ATN1: variants seen among roughly 807,000 people sequenced by gnomAD.
ATN1 encodes the protein atrophin-1.
In ATN1, 19 loss-of-function variants were observed where a neutral mutation model predicts 85.8. That is an observed-to-expected ratio of 0.22 (90% CI 0.15 to 0.32). The LOEUF (loss-of-function observed/expected upper bound fraction) is 0.32. Ranked by LOEUF, ATN1 falls within the 10% of genes least tolerant of loss-of-function variation. The pLI, the probability that ATN1 is intolerant of heterozygous loss-of-function variation, is 1.00. For synonymous variants in ATN1, 674 were observed against 657.0 expected, an observed-to-expected ratio of 1.03 and a Z score of -0.39; for missense variants, 1,453 against 1,564.5, an observed-to-expected ratio of 0.93 and a Z score of 1.20.
At chr12:6,930,827 TA>T (rs1945452956) in intron 1 of ATN1, among the ~76,000 whole-genome samples, 1 of 143,684 alleles carries the variant, frequency 7.0e-6, no homozygotes, top group African/African-American at 2.7e-5. Flanking sequence ...AATAAATAAA[TA>T]AAATAAAGCA....
At chr12:6,938,338 G>T in intron 6 of ATN1, 143 bp from the exon 7 acceptor site, 1 of 1,321,936 alleles carries the variant, frequency 7.6e-7, no homozygotes, top group Non-Finnish European at 1.0e-6. Flanking sequence ...GGGAGCGGGG[G>T]CCGCAGTTAA....
Position 6,936,728 on chromosome 12 carries a change from A to AGCAGCAGCAGCAGCAGCAGCAGCAGCAG in ATN1, c.1461_1462insGCAGCAGCAGCAGCAGCAGCAGCAGCAG (p.Gln488AlafsTer45). ...ATCACCATCACCACCAGCAACAGCA[A>AGCAGCAGCAGCAGCAGCAGCAGCAGCAG]CAGCAGCAGCAGCAGCAGCAGCAGC... On this transcript the variant is annotated frameshift_variant, in exon 5 of 10. Transcript: ENST00000396684. LOFTEE classifies it high-confidence loss of function. 6.3e-7 allele frequency: 1 copy of AGCAGCAGCAGCAGCAGCAGCAGCAGCAG among 1,583,082 alleles called. No individual in the cohort carries two copies. Among genetic ancestry groups the AGCAGCAGCAGCAGCAGCAGCAGCAGCAG allele is most frequent in the Non-Finnish European group, 8.6e-7 (1 of 1,165,230 alleles).
rs1211193340 is a variant in ATN1 at position 6,941,532 on chromosome 12, C to T, written c.3517C>T (p.Pro1173Ser). ...AHHPLHSVPLPAQEDYYSHLK... is the reference protein window; with the variant it reads ...AHHPLHSVPLSAQEDYYSHLK... ...TCACCCGCTGCACAGTGTGCCGCTGCCTGCCCAGGAGGACTACTACAGGTA... is the reference window on the plus strand; with the variant it reads ...TCACCCGCTGCACAGTGTGCCGCTGTCTGCCCAGGAGGACTACTACAGGTA... The change falls in exon 9 of 10, where the codon CCT (proline) becomes TCT (serine). Residue 1173 changes from proline to serine, a missense_variant. By Grantham distance (74) the Pro-to-Ser change is moderately conservative. Coordinates refer to ENST00000396684, the MANE Select transcript of ATN1 (RefSeq NM_001940.4). This position sits in a 1 kb window ranked among gnomAD's most constrained non-coding sequence, Gnocchi z 5.9. 6.2e-7 allele frequency: 1 copy of T among 1,612,766 alleles called. No individual in the cohort carries two copies. Among genetic ancestry groups the T allele is most frequent in the African/African-American group, 1.3e-5 (1 of 75,048 alleles).
chr12:6,929,856 G>A (rs782735479), intron 1 of ATN1, among the ~76,000 whole-genome samples: 1 of 152,104 alleles, frequency 6.6e-6, no homozygotes. Context: ...TTGTCTTTTT[G>A]CTTCTTTGCA....
At position 6,941,410 on chromosome 12, in the gene ATN1, C is replaced by T; in HGVS notation, c.3395C>T (p.Ala1132Val). ...PYRDLPASLSAPMSAAHQLQA... is the reference protein window; with the variant it reads ...PYRDLPASLSVPMSAAHQLQA... ...CGGGACCTGCCGGCCTCCCTTTCTG[C>T]CCCGATGTCAGCAGCTCATCAGCTG... The change falls in exon 9 of 10, where the codon GCC becomes GTC. Residue 1132 changes from alanine (A) to valine (V), a missense_variant. Transcript: ENST00000396684. This position sits in a 1 kb window ranked among gnomAD's most constrained non-coding sequence, Gnocchi z 5.9. 1 of 1,607,402 alleles carries T rather than the reference C, an allele frequency of 6.2e-7. No homozygotes were observed. The highest frequency in any genetic ancestry group is 8.5e-7 in the Non-Finnish European group (1 of 1,176,314).
At position 6,934,214 on chromosome 12, in the gene ATN1, G is replaced by A; in HGVS notation, c.66G>A (p.Gly22=). The change falls in exon 3 of 10, where the codon GGG becomes GGA. Residue 22 remains glycine, a synonymous_variant. Transcript: ENST00000396684. This position sits in a 1 kb window ranked among gnomAD's most constrained non-coding sequence, Gnocchi z 4.5. ...MRSGRKKEAP[G]PREELRSRGR... ...GTGGACGGAAGAAAGAGGCCCCTGG[G>A]CCCCGGGAAGAACTGAGATCGAGGG... The A allele has an allele frequency of 4.4e-6, 7 of 1,596,234 alleles. No individual in the cohort carries two copies. The highest frequency in any genetic ancestry group is 5.1e-6 in the Non-Finnish European group (6 of 1,175,758).
chr12:6,936,554 G>C lies in ATN1; in HGVS notation c.1287G>C (p.Gln429His). ...SVSNQPPKYTQPSLPSQAVWS... is the reference protein window; with the variant it reads ...SVSNQPPKYTHPSLPSQAVWS... ...CCAATCAGCCCCCCAAGTATACTCA[G>C]CCTTCTCTCCCATCCCAGGCTGTGT... The change falls in exon 5 of 10, where the codon CAG becomes CAC. Residue 429 changes from glutamine (Q) to histidine (H), a missense_variant. Coordinates refer to ENST00000396684, the MANE Select transcript of ATN1 (RefSeq NM_001940.4). 1.2e-6 allele frequency: 2 copies of C among 1,600,960 alleles called. No individual in the cohort carries two copies. The highest frequency in any genetic ancestry group is 1.7e-6 in the Non-Finnish European group (2 of 1,177,932).
chr12:6,930,779 T>C (rs1296170702), intron 1 of ATN1, among the ~76,000 whole-genome samples: 3 of 151,256 alleles, frequency 2.0e-5, no homozygotes, highest in Non-Finnish European at 4.4e-5. Flanking sequence ...CCAGCCTGGG[T>C]GACAGAGTGA....
At position 6,936,416 on chromosome 12, in the gene ATN1, A is replaced by T. The variant is rs1555143659; in HGVS notation, c.1149A>T (p.Ala383=). The change falls in exon 5 of 10, where the codon GCA becomes GCT. Residue 383 remains alanine (A), a synonymous_variant. Coordinates refer to ENST00000396684, the MANE Select transcript of ATN1 (RefSeq NM_001940.4). ...FPYSSSSSSS[A]AASSSSSSSS... Reference sequence around the variant, plus strand: ...ATTCATCCTCTAGTAGTAGCTCTGCAGCAGCCTCCTCTTCCAGTTCTTCCT... The same window carrying T: ...ATTCATCCTCTAGTAGTAGCTCTGCTGCAGCCTCCTCTTCCAGTTCTTCCT... 8.7e-6 allele frequency: 14 copies of T among 1,612,872 alleles called. No homozygotes were observed. The highest frequency in any genetic ancestry group is 1.3e-5 in the African/African-American group (1 of 74,642).
In ATN1 at chr12:6,934,367, T is replaced by G. The variant is rs976576622; in HGVS notation, c.165+54T>G. 10 of 1,558,010 alleles carry G rather than the reference T, an allele frequency of 6.4e-6. No individual in the cohort carries two copies. The highest frequency in any genetic ancestry group is 2.7e-5 in the African/African-American group (2 of 73,030). On this transcript the variant is annotated intron_variant, in intron 3 of 9. Transcript: ENST00000396684. The surrounding 1 kb of genome is among the most constrained non-coding windows in gnomAD (Gnocchi z 4.5). Reference sequence around the variant, plus strand: ...ATGCCCAAGGCACTGGGGCTGAGGGTGTGTGTGTGTTGTGGGGGAACTTCC... The same window carrying G: ...ATGCCCAAGGCACTGGGGCTGAGGGGGTGTGTGTGTTGTGGGGGAACTTCC...
In ATN1 at chr12:6,935,580, C is replaced by G. The variant is rs1555143446; in HGVS notation, c.313C>G (p.Leu105Val). The G allele has an allele frequency of 6.2e-7, 1 of 1,613,876 alleles. No homozygotes were observed. Among genetic ancestry groups the G allele is most frequent in the Non-Finnish European group, 8.5e-7 (1 of 1,179,818 alleles). Residue 105 changes from leucine (L) to valine (V), a missense_variant, in exon 5 of 10, where the codon CTG becomes GTG. Leu to Val is a conservative substitution (Grantham distance 32). Transcript: ENST00000396684. This position sits in a 1 kb window ranked among gnomAD's most constrained non-coding sequence, Gnocchi z 5.3. ...ELPRPQSPSD[L>V]DSLDGRSLND... ...CCCTCGGCCACAGTCTCCCTCCGATCTGGATAGCTTGGACGGGCGGAGCCT... is the reference window on the plus strand; with the variant it reads ...CCCTCGGCCACAGTCTCCCTCCGATGTGGATAGCTTGGACGGGCGGAGCCT...
rs1555143928 is a variant in ATN1 at position 6,937,241 on chromosome 12, ACCCGGGTCGCCT to A, written c.1978_1989del (p.Gly660_Pro663del). ...AGACAGCCACCCCACCCGGATACAA[ACCCGGGTCGCCT>A]CCCTCCTTCCGAACGGGGACCCCAC... On this transcript the variant is annotated inframe_deletion, in exon 5 of 10. Transcript: ENST00000396684. The surrounding 1 kb of genome is among the most constrained non-coding windows in gnomAD (Gnocchi z 6.0). The A allele has an allele frequency of 6.2e-7, 1 of 1,610,702 alleles. No individual in the cohort carries two copies. The highest frequency in any genetic ancestry group is 8.5e-7 in the Non-Finnish European group (1 of 1,179,264).
chr12:6,938,974 C>T lies in ATN1; in HGVS notation c.3011C>T (p.Ala1004Val), dbSNP rs1555144313. The T allele has an allele frequency of 4.3e-6, 7 of 1,613,488 alleles. No homozygotes were observed. Among genetic ancestry groups the T allele is most frequent in the Middle Eastern group, 1.6e-4 (1 of 6,062 alleles). ...GGGCCCCTGGAGCGAGAACGTCTAG[C>T]GCTGGCAGCTGGGCCAGCCCTGCGG... The part of the protein sequence containing the change: ...SLGPLERERL[A>V]LAAGPALRPD... Residue 1004 changes from alanine (A) to valine (V), a missense_variant, in exon 7 of 10, where the codon GCG (alanine) becomes GTG (valine). Physicochemically the swap from Ala to Val is moderately conservative, Grantham distance 64. This residue lies in a region of ATN1 where 208 missense variants were observed against 263.4 expected (regional missense o/e 0.79). Coordinates refer to ENST00000396684, the MANE Select transcript of ATN1 (RefSeq NM_001940.4).
At chr12:6,940,667 C>T (rs1381445147) in intron 7 of ATN1, among the ~76,000 whole-genome samples, 1 of 152,210 alleles carries the variant, frequency 6.6e-6, no homozygotes, top group Non-Finnish European at 1.5e-5. Context: ...TGACTGTAAT[C>T]TCCTGTCCTG....
upstream of ATN1, among the ~76,000 whole-genome samples, chr12:6,927,827 AC>A (rs782353122): frequency 1.6e-3 from 239 of 144,970 alleles, 3 homozygotes; most frequent in African/African-American, 5.8e-3. Context: ...CGCCGGACGC[AC>A]CGCCCAGCCC....
Position 6,936,522 on chromosome 12 carries a change from T to C in ATN1, c.1255T>C (p.Ser419Pro), listed in dbSNP as rs200023232. 1.3e-6 allele frequency: 2 copies of C among 1,501,736 alleles called. No homozygotes were observed. The highest frequency in any genetic ancestry group is 1.8e-6 in the Non-Finnish European group (2 of 1,125,164). 93.0% of individuals were successfully genotyped at this position (1,501,736 alleles called of 1,614,324 possible). The part of the protein sequence containing the change: ...PHSFPPPTSL[S>P]VSNQPPKYTQ... ...CTCTTTCCCTCCCCCAACAAGCCTC[T>C]CTGTCTCCAATCAGCCCCCCAAGTA... The change falls in exon 5 of 10, where the codon TCT becomes CCT. Residue 419 changes from serine to proline, a missense_variant. Around this residue, in one of 6 missense-constraint regions of ATN1, gnomAD observed 990 missense variants for 914.8 expected, o/e 1.08. Transcript: ENST00000396684.
chr12:6,935,576 C>T lies in ATN1; in HGVS notation c.309C>T (p.Ser103=), dbSNP rs200573795. The stretch of plus-strand genomic sequence containing the variant: ...AACTCCCTCGGCCACAGTCTCCCTC[C>T]GATCTGGATAGCTTGGACGGGCGGA... ...EQELPRPQSP[S]DLDSLDGRSL... is the part of the protein sequence containing the mutation. The change falls in exon 5 of 10, where the codon TCC becomes TCT. Residue 103 remains serine (S), a synonymous_variant. Transcript: ENST00000396684. The surrounding 1 kb of genome is among the most constrained non-coding windows in gnomAD (Gnocchi z 5.3). The T allele has an allele frequency of 9.8e-5, 158 of 1,613,310 alleles. No homozygotes were observed. Among genetic ancestry groups the T allele is most frequent in the Non-Finnish European group, 1.3e-4 (150 of 1,179,462 alleles).
chr12:6,926,162 A>G (rs961904756), upstream of ATN1, among the ~76,000 whole-genome samples: 22 of 152,196 alleles, frequency 1.4e-4, no homozygotes, highest in African/African-American at 5.3e-4. Flanking sequence ...GGTTGGGAGG[A>G]GCCTGCAGTC....
At chr12:6,940,275 C>A (rs1421880882) in intron 7 of ATN1, among the ~76,000 whole-genome samples, 1 of 151,372 alleles carries the variant, frequency 6.6e-6, no homozygotes, top group Non-Finnish European at 1.5e-5. Flanking sequence ...CAAGCGTGAG[C>A]CACCGCACCC....
Sources: gnomAD v4.1 joint callset for allele counts (sites outside exome capture counted in the v4.1 genomes callset) on GRCh38, gnomAD v4.1.1 for gene constraint, gnomAD v4.1.1 regional missense constraint, Gnocchi (gnomAD v3.1) non-coding constraint, MANE v1.5 for transcripts, NCBI Gene and HGNC (gene_info 2026-07-23, HGNC 2026-07-21) for gene names.